The following KCNH3 variants were observed in gnomAD, a reference collection of about 807,000 sequenced individuals.
KCNH3 encodes the protein voltage-gated inwardly rectifying potassium channel KCNH3.
KCNH3 carries 36 observed loss-of-function variants against 95.6 expected under a neutral mutation model. The ratio of observed to expected loss-of-function variants is 0.38; its 90% CI spans 0.29 to 0.50. The LOEUF is 0.50. KCNH3 is among the 20% of genes least tolerant of loss of function. The probability of loss-of-function intolerance (pLI) is 0.95; values close to 1 mark genes in which losing one functional copy is unlikely to be tolerated. For synonymous variants in KCNH3, 620 were observed against 646.3 expected (o/e 0.96, Z 0.62); for missense variants, 1,030 against 1,484.1 (o/e 0.69, Z 5.03).
intron 2 of KCNH3, 40 bp downstream of exon 2, chr12:49,541,172 C>T (rs760934136): frequency 9.5e-6 from 14 of 1,475,654 alleles, no homozygotes; most frequent in Middle Eastern, 1.8e-4. Context: ...CCTTTGCAGT[C>T]TCACCCAGCC....
At position 49,556,412 on chromosome 12, in the gene KCNH3, C is replaced by G; in HGVS notation, c.2511C>G (p.Pro837=). ...GIEDGCGSDQ[P]KFSFRVGQSG... ...AAGACGGCTGTGGCTCGGACCAGCC[C>G]AAGTTCTCTTTCCGCGTGGGCCAGT... The change falls in exon 13 of 15, where the codon CCC becomes CCG. Residue 837 remains proline (P), a synonymous_variant. Coordinates refer to ENST00000257981, the MANE Select transcript of KCNH3 (RefSeq NM_012284.3). 1 of 1,614,066 alleles carries G rather than the reference C, an allele frequency of 6.2e-7. No homozygotes were observed.
In KCNH3 at chr12:49,555,898, G is replaced by A. The variant is rs548157983; in HGVS notation, c.2415G>A (p.Glu805=). The A allele has an allele frequency of 1.4e-4, 218 of 1,601,384 alleles. 4 individuals are homozygous for A. The South Asian group carries it at 1.8e-3, about 13-fold the overall frequency. Residue 805 remains glutamate, a synonymous_variant, in exon 12 of 15, where the codon GAG becomes GAA. Transcript: ENST00000257981. ...AGPSAPPRAL[E]GLRLPPMPWN... ...CCTCTGCTCCCCCACGGGCCCTAGA[G>A]GGGCTACGGCTGCCCCCCATGCCAT...
intron 3 of KCNH3, 41 bp downstream of exon 3, chr12:49,541,805 G>C: frequency 6.2e-7 from 1 of 1,606,274 alleles, no homozygotes; most frequent in Non-Finnish European, 8.5e-7. Flanking sequence ...ATTGGGTGCC[G>C]CAGGCCCGGG....
chr12:49,540,794 G>T, intron 1 of KCNH3, 105 bp from the exon 2 acceptor site: 1 of 835,236 alleles, frequency 1.2e-6, no homozygotes, highest in East Asian at 2.6e-5. Context: ...AGGATTCCTG[G>T]GGTTTGGAAA....
chr12:49,544,144 C>CAACCAAA, intron 6 of KCNH3, 31 bp from the exon 7 acceptor site: 8 of 1,493,156 alleles, frequency 5.4e-6, no homozygotes, highest in Non-Finnish European at 6.5e-6. Flanking sequence ...GCTGACCTCC[C>CAACCAAA]TCCCTCCCTC....
In KCNH3 at chr12:49,557,188, G is replaced by C. The variant is rs149944114; in HGVS notation, c.2581G>C (p.Gly861Arg). 3 of 1,613,886 alleles carry C rather than the reference G, an allele frequency of 1.9e-6. No homozygotes were observed. The highest frequency in any genetic ancestry group is 2.5e-6 in the Non-Finnish European group (3 of 1,179,928). Residue 861 changes from glycine to arginine, a missense_variant, in exon 14 of 15, where the codon GGC becomes CGC. Transcript: ENST00000257981. ...SSSPSPGPES[G>R]LLTVPHGPSE... ...CCCCATCCTACTACCCACAGAGAGC[G>C]GCCTGCTCACTGTTCCCCATGGGCC...
chr12:49,549,761 T>C, intron 9 of KCNH3, 121 bp downstream of exon 9: 1 of 959,302 alleles, frequency 1.0e-6, no homozygotes, highest in Non-Finnish European at 1.6e-6. Context: ...CTCCCTTCTC[T>C]CTTGAGGGGA....
At chr12:49,553,144 A>AT (rs35240859) in intron 10 of KCNH3, among the ~76,000 whole-genome samples, 60 of 149,562 alleles carry the variant, frequency 4.0e-4, no homozygotes, top group African/African-American at 1.1e-3. Context: ...TTGGAAATGA[A>AT]TTTTTTTTTT....
chr12:49,556,150 C>T (rs1021509158), intron 12 of KCNH3, 199 bp downstream of exon 12: 184 of 596,200 alleles, frequency 3.1e-4, no homozygotes, highest in Middle Eastern at 4.4e-4. Context: ...GTGTGGCACA[C>T]GCTGCTCTGA....
chr12:49,554,607 T>A (rs1274818006), intron 11 of KCNH3, 53 bp downstream of exon 11: 2 of 1,493,192 alleles, frequency 1.3e-6, no homozygotes, highest in African/African-American at 2.8e-5. Flanking sequence ...GGGAGCCTGG[T>A]GAAGTGGGCA....
intron 1 of KCNH3, 42 bp from the exon 2 acceptor site, chr12:49,540,857 C>A: frequency 1.3e-6 from 2 of 1,528,032 alleles, no homozygotes; most frequent in Non-Finnish European, 1.8e-6. Flanking sequence ...AGGCCTCCTG[C>A]CCCTTCACCC....
Position 49,557,545 on chromosome 12 carries a change from C to T in KCNH3, c.2844C>T (p.Cys948=), listed in dbSNP as rs752329887. Residue 948 remains cysteine, a synonymous_variant, in exon 15 of 15, where the codon TGC becomes TGT. Transcript: ENST00000257981. ...TGGACACTGGGGCATCCTCCTACTG[C>T]CTGCAGCCCCCAGCTGGCTCTGTCT... ...LCVDTGASSY[C]LQPPAGSVLS... The T allele has an allele frequency of 6.2e-7, 1 of 1,611,916 alleles. No individual in the cohort carries two copies. Among genetic ancestry groups the T allele is most frequent in the South Asian group, 1.1e-5 (1 of 91,086 alleles).
intron 7 of KCNH3, among the ~76,000 whole-genome samples, chr12:49,548,053 C>T (rs954645621): frequency 6.6e-6 from 1 of 152,006 alleles, no homozygotes; most frequent in African/African-American, 2.4e-5. Context: ...GGCTGAGGGG[C>T]AATCCAGCCT....
At position 49,545,383 on chromosome 12, in the gene KCNH3, G is replaced by A. The variant is rs946068551; in HGVS notation, c.1189+1001G>A. Among the ~76,000 whole-genome samples, 9 of 150,268 alleles carry A rather than the reference G, an allele frequency of 6.0e-5. No homozygotes were observed. The East Asian group carries it at 7.8e-4, about 13-fold the overall frequency. Reference sequence around the variant, plus strand: ...GCTTCCAGGTAACTGACATTTAGCCGGGTTTCCAGATGCAGGTGGCTTTTT... The same window carrying A: ...GCTTCCAGGTAACTGACATTTAGCCAGGTTTCCAGATGCAGGTGGCTTTTT... On this transcript the variant is annotated intron_variant, in intron 7 of 14. Transcript: ENST00000257981.
Position 49,557,576 on chromosome 12 carries a change from G to A in KCNH3, c.2875G>A (p.Gly959Arg). Residue 959 changes from glycine to arginine, a missense_variant, in exon 15 of 15, where the codon GGG becomes AGG. By Grantham distance (125) the Gly-to-Arg change is moderately radical. Coordinates refer to ENST00000257981, the MANE Select transcript of KCNH3 (RefSeq NM_012284.3). Reference protein sequence around the residue: ...LQPPAGSVLSGTWPHPRPGPP... With the variant: ...LQPPAGSVLSRTWPHPRPGPP... ...GCCCCCAGCTGGCTCTGTCTTGAGT[G>A]GGACTTGGCCCCACCCTCGTCCGGG... The A allele has an allele frequency of 6.2e-7, 1 of 1,612,698 alleles. No individual in the cohort carries two copies. The highest frequency in any genetic ancestry group is 8.5e-7 in the Non-Finnish European group (1 of 1,179,944).
chr12:49,554,137 C>T (rs989126788), intron 10 of KCNH3, among the ~76,000 whole-genome samples, 200 bp from the exon 11 acceptor site: 9 of 152,348 alleles, frequency 5.9e-5, no homozygotes, highest in Middle Eastern at 3.4e-3. Flanking sequence ...TTACCCCAAG[C>T]CCATGTGGGA....
chr12:49,551,763 G>C (rs150949353), intron 10 of KCNH3, among the ~76,000 whole-genome samples: 18 of 152,216 alleles, frequency 1.2e-4, no homozygotes, highest in Middle Eastern at 3.4e-3. Flanking sequence ...GGCAGCCAAG[G>C]CACGTGTAGA....
At chr12:49,549,972 A>G (rs1938202507) in intron 9 of KCNH3, 108 bp from the exon 10 acceptor site, 7 of 1,239,332 alleles carry the variant, frequency 5.6e-6, no homozygotes, top group Non-Finnish European at 7.7e-6. Context: ...GGTCCCTCCC[A>G]TGCCTCCCCT....
intron 11 of KCNH3, among the ~76,000 whole-genome samples, chr12:49,555,203 G>T (rs918589677): frequency 6.6e-6 from 1 of 151,766 alleles, no homozygotes; most frequent in Non-Finnish European, 1.5e-5. Flanking sequence ...CACTTTGGGA[G>T]GCTGAGGCGG....
Sources: gnomAD v4.1 joint callset for allele counts (sites outside exome capture counted in the v4.1 genomes callset) on GRCh38, gnomAD v4.1.1 for gene constraint, MANE v1.5 for transcripts, NCBI Gene and HGNC (gene_info 2026-07-23, HGNC 2026-07-21) for gene names.